The following CTNNA3 variants were observed in gnomAD, a reference collection of about 807,000 sequenced individuals.
CTNNA3 encodes the protein catenin alpha 3.
In CTNNA3, 76 loss-of-function variants were observed where a neutral mutation model predicts 95.7. The observed-to-expected ratio is 0.79, with a 90% CI of 0.66 to 0.96. The LOEUF is 0.96. CTNNA3 is among the 40% of genes least tolerant of loss of function. The pLI, the probability that CTNNA3 is intolerant of heterozygous loss-of-function variation, is 0.00. For missense variants in CTNNA3, 1,191 were observed against 1,089.8 expected (o/e 1.09, Z -1.31); for synonymous variants, 431 against 374.4 (o/e 1.15, Z -1.74).
At chr10:66,795,373 C>A (rs1404751617) in intron 7 of CTNNA3, among the ~76,000 whole-genome samples, 1 of 152,084 alleles carries the variant, frequency 6.6e-6, no homozygotes, top group Non-Finnish European at 1.5e-5. Flanking sequence ...TCTTGGGTGA[C>A]TAGATGCTTT....
At chr10:67,577,518 C>G (rs1161116280) in intron 3 of CTNNA3, among the ~76,000 whole-genome samples, 1 of 152,060 alleles carries the variant, frequency 6.6e-6, no homozygotes, top group Non-Finnish European at 1.5e-5. Flanking sequence ...TGTGCAGAAG[C>G]TCTTTAGTTT....
chr10:66,276,003 T>G (rs2091388539), intron 13 of CTNNA3, among the ~76,000 whole-genome samples: 1 of 152,198 alleles, frequency 6.6e-6, no homozygotes, highest in Non-Finnish European at 1.5e-5. Context: ...TATTTTATAT[T>G]GGACTGTGTC....
intron 5 of CTNNA3, among the ~76,000 whole-genome samples, chr10:67,308,938 T>C (rs376068441): frequency 3.3e-5 from 5 of 152,194 alleles, no homozygotes; most frequent in African/African-American, 1.2e-4. Flanking sequence ...AAAGTTTACT[T>C]CTACTCTTGG....
intron 9 of CTNNA3, among the ~76,000 whole-genome samples, chr10:66,634,572 G>GGTGTGTGTGTGTGTGTGTGT (rs59187647): frequency 3.1e-4 from 46 of 146,184 alleles, no homozygotes; most frequent in African/African-American, 1.1e-3. Context: ...CTCTGTGCAT[G>GGTGTGTGTGTGTGTGTGTGT]GTGTGTGTGT....
At chr10:66,507,849 T>C (rs1840506673) in intron 11 of CTNNA3, among the ~76,000 whole-genome samples, 1 of 152,174 alleles carries the variant, frequency 6.6e-6, no homozygotes, top group South Asian at 2.1e-4. Flanking sequence ...TGACTTCCTT[T>C]CCTTTGGATA....
chr10:67,185,337 A>G (rs987443030), intron 6 of CTNNA3, among the ~76,000 whole-genome samples: 3 of 152,060 alleles, frequency 2.0e-5, no homozygotes, highest in Non-Finnish European at 4.4e-5. Flanking sequence ...CATGTTGGCC[A>G]GGATGGTCTC....
chr10:66,637,776 A>T (rs1437427211), intron 9 of CTNNA3, among the ~76,000 whole-genome samples: 1 of 152,170 alleles, frequency 6.6e-6, no homozygotes, highest in Non-Finnish European at 1.5e-5. Context: ...AGAGAATGCC[A>T]ATAAAAGCCC....
At chr10:66,682,212 C>T (rs113400327) in intron 9 of CTNNA3, among the ~76,000 whole-genome samples, 43 of 152,264 alleles carry the variant, frequency 2.8e-4, no homozygotes, top group African/African-American at 8.9e-4. Flanking sequence ...CTAAGAGGGT[C>T]TGCCTCATTT....
At chr10:66,790,049 T>C (rs1419210088) in intron 7 of CTNNA3, among the ~76,000 whole-genome samples, 1 of 152,150 alleles carries the variant, frequency 6.6e-6, no homozygotes, top group Non-Finnish European at 1.5e-5. Flanking sequence ...TTTATAAACA[T>C]TGTGCCTCAA....
At chr10:67,048,557 C>T (rs1854890026) in intron 7 of CTNNA3, among the ~76,000 whole-genome samples, 1 of 151,958 alleles carries the variant, frequency 6.6e-6, no homozygotes, top group Non-Finnish European at 1.5e-5. Flanking sequence ...ATCAAAATAC[C>T]TTAAGGACTA....
intron 3 of CTNNA3, among the ~76,000 whole-genome samples, chr10:67,567,971 A>C (rs577583315): frequency 1.8e-4 from 27 of 152,222 alleles, no homozygotes; most frequent in African/African-American, 5.5e-4. Context: ...TCCCAGCTGC[A>C]TGTTTGTAGA....
intron 1 of CTNNA3, among the ~76,000 whole-genome samples, chr10:67,681,484 A>C (rs1411349263): frequency 1.3e-5 from 2 of 152,138 alleles, no homozygotes; most frequent in Non-Finnish European, 2.9e-5. Flanking sequence ...AATTAAAAAT[A>C]AAGCTTACTC....
At chr10:67,117,924 A>G (rs975283001) in intron 7 of CTNNA3, among the ~76,000 whole-genome samples, 1 of 152,028 alleles carries the variant, frequency 6.6e-6, no homozygotes, top group Non-Finnish European at 1.5e-5. Context: ...TATTTATAGC[A>G]ATCAAACGGG....
intron 11 of CTNNA3, among the ~76,000 whole-genome samples, chr10:66,464,271 A>T (rs903239800): frequency 6.6e-6 from 1 of 152,122 alleles, no homozygotes; most frequent in South Asian, 2.1e-4. Flanking sequence ...AAAGAATCTA[A>T]ATGTAGTTGT....
chr10:65,980,883 A>G (rs970648603), intron 16 of CTNNA3, among the ~76,000 whole-genome samples: 3 of 152,064 alleles, frequency 2.0e-5, no homozygotes, highest in African/African-American at 7.2e-5. Flanking sequence ...CACAGCCAAT[A>G]TTATACTGAA....
intron 7 of CTNNA3, among the ~76,000 whole-genome samples, chr10:67,032,781 T>TA (rs1357054635): frequency 6.6e-6 from 1 of 152,216 alleles, no homozygotes; most frequent in Non-Finnish European, 1.5e-5. Flanking sequence ...TTCCTTTTTT[T>TA]ATGTGTTCTC....
chr10:67,583,008 T>C (rs747081745), intron 3 of CTNNA3, among the ~76,000 whole-genome samples: 34 of 152,288 alleles, frequency 2.2e-4, no homozygotes, highest in Middle Eastern at 3.4e-3. Flanking sequence ...CTTGACTCTT[T>C]ACCCAATTTG....
chr10:67,688,422 A>T (rs888613817), intron 1 of CTNNA3, among the ~76,000 whole-genome samples: 1 of 152,192 alleles, frequency 6.6e-6, no homozygotes, highest in Non-Finnish European at 1.5e-5. Flanking sequence ...TGTGGGATGT[A>T]AATTGCAAGT....
At chr10:67,278,660 C>A (rs1200568582) in intron 5 of CTNNA3, among the ~76,000 whole-genome samples, 1 of 152,108 alleles carries the variant, frequency 6.6e-6, no homozygotes. Flanking sequence ...ACTTACCTGC[C>A]TTTCAGTTGA....
Sources: gnomAD v4.1 joint callset for allele counts (sites outside exome capture counted in the v4.1 genomes callset) on GRCh38, gnomAD v4.1.1 for gene constraint, MANE v1.5 for transcripts, NCBI Gene and HGNC (gene_info 2026-07-23, HGNC 2026-07-21) for gene names.